IPO11: variants seen among roughly 807,000 people sequenced by gnomAD.
The protein encoded by IPO11 is importin 11, also known as importin-11.
In IPO11, 66 loss-of-function variants were observed where a neutral mutation model predicts 143.2. The observed-to-expected ratio is 0.46, with a 90% confidence interval of 0.38 to 0.57. IPO11 has a LOEUF of 0.57. Ranked by LOEUF, IPO11 falls within the 20% of genes least tolerant of loss-of-function variation. The pLI, the probability that IPO11 is intolerant of heterozygous loss-of-function variation, is 0.00. For missense variants in IPO11, 1,026 were observed against 1,141.0 expected, an observed-to-expected ratio of 0.90 and a Z score of 1.45; for synonymous variants, 385 against 377.8, an observed-to-expected ratio of 1.02 and a Z score of -0.22.
chr5:62,607,720 A>G (rs1426045228), intron 29 of IPO11, among the ~76,000 whole-genome samples: 4 of 152,028 alleles, frequency 2.6e-5, no homozygotes, highest in Non-Finnish European at 1.5e-5. Flanking sequence ...CAGTCCACCC[A>G]GGTTATGAGT....
intron 1 of IPO11, among the ~76,000 whole-genome samples, chr5:62,431,445 A>G (rs1743984961): frequency 6.6e-6 from 1 of 152,060 alleles, no homozygotes. Context: ...GTTGGAGTGC[A>G]GTGGGGTGAT....
chr5:62,552,992 A>G (rs950044688), intron 26 of IPO11, among the ~76,000 whole-genome samples: 1 of 152,196 alleles, frequency 6.6e-6, no homozygotes, highest in Non-Finnish European at 1.5e-5. Context: ...AACTATTTGA[A>G]ACTATATATT....
intron 16 of IPO11, among the ~76,000 whole-genome samples, chr5:62,496,232 G>GA (rs1179059273): frequency 2.0e-5 from 3 of 151,258 alleles, no homozygotes; most frequent in Non-Finnish European, 4.4e-5. Flanking sequence ...AGGTTGCAGT[G>GA]AGCCGAGATT....
At chr5:62,590,782 T>A (rs563067611) in intron 27 of IPO11, among the ~76,000 whole-genome samples, 18 of 152,340 alleles carry the variant, frequency 1.2e-4, no homozygotes, top group South Asian at 6.2e-4. Context: ...CTAAATTTTT[T>A]AAAATTTCAT....
At chr5:62,488,634 A>G (rs751895881) in intron 13 of IPO11, among the ~76,000 whole-genome samples, 9 of 152,204 alleles carry the variant, frequency 5.9e-5, no homozygotes, top group Non-Finnish European at 1.2e-4. Flanking sequence ...ATTTTCACCT[A>G]TAGGGATATG....
At chr5:62,564,498 G>A (rs1743872087) in intron 27 of IPO11, among the ~76,000 whole-genome samples, 1 of 152,146 alleles carries the variant, frequency 6.6e-6, no homozygotes. Flanking sequence ...TCTAAAGTAT[G>A]ATGTTGATGA....
rs578261726 is a variant in IPO11 at position 62,532,396 on chromosome 5, C to T, written c.2089+1611C>T. ...GTTTTGAGACAGAGTCTTGCTCTGT[C>T]ACCCAGGCTGGAGTGCAGTGGCTCA... is the stretch of plus-strand genomic sequence containing the variant. On this transcript the variant is annotated intron_variant, in intron 22 of 29. Coordinates refer to ENST00000325324, the MANE Select transcript of IPO11 (RefSeq NM_016338.5). Among the ~76,000 whole-genome samples, 26 of 152,168 alleles carry T rather than the reference C, an allele frequency of 1.7e-4. No homozygotes were observed. The South Asian group carries it at 5.4e-3, about 32-fold the overall frequency.
At chr5:62,551,921 C>A (rs1263185937) in intron 26 of IPO11, among the ~76,000 whole-genome samples, 4 of 151,916 alleles carry the variant, frequency 2.6e-5, no homozygotes, top group African/African-American at 4.8e-5. Context: ...GTCAGGAGAT[C>A]GAGACATCCT....
At chr5:62,601,989 A>C (rs1745523616) in intron 29 of IPO11, 141 bp downstream of exon 29, 1 of 487,558 alleles carries the variant, frequency 2.1e-6, no homozygotes, top group Non-Finnish European at 3.7e-6. Context: ...TGTAAGGTGT[A>C]CCCTAAAACA....
intron 1 of IPO11, among the ~76,000 whole-genome samples, chr5:62,429,626 G>A (rs28848018): frequency 3.7e-5 from 5 of 135,866 alleles, no homozygotes; most frequent in Admixed American, 1.5e-4. Flanking sequence ...GTGTGTGTGT[G>A]TATGTGTTTA....
At chr5:62,476,091 G>A (rs1745947773) in intron 8 of IPO11, among the ~76,000 whole-genome samples, 1 of 152,210 alleles carries the variant, frequency 6.6e-6, no homozygotes, top group Non-Finnish European at 1.5e-5. Flanking sequence ...TGTTCATATT[G>A]TGTAGTTACT....
intron 26 of IPO11, 125 bp from the exon 27 acceptor site, chr5:62,561,011 C>A: frequency 1.3e-6 from 1 of 798,902 alleles, no homozygotes. Flanking sequence ...TTCAGGTATT[C>A]CAGTTCTGTG....
At position 62,565,831 on chromosome 5, in the gene IPO11, G is replaced by A. The variant is rs191460971; in HGVS notation, c.2582+4574G>A. Among the ~76,000 whole-genome samples the A allele has an allele frequency of 8.8e-5, 13 of 147,900 alleles. No individual in the cohort carries two copies. The East Asian group carries it at 2.2e-3, about 25-fold the overall frequency. On this transcript the variant is annotated intron_variant, in intron 27 of 29. Transcript: ENST00000325324. The stretch of plus-strand genomic sequence containing the variant: ...TGTGTGTTGCTCCCCTCCTTGTGTC[G>A]GTGTGTTCTCATTGTTCAACTCCCA...
chr5:62,417,371 A>G (rs76466551), intron 1 of IPO11, among the ~76,000 whole-genome samples: 3,107 of 124,392 alleles, frequency 0.025, 54 homozygotes, highest in Admixed American at 0.037. Flanking sequence ...CTGACAGTCC[A>G]TAGCAGTCAC....
intron 20 of IPO11, among the ~76,000 whole-genome samples, chr5:62,522,682 T>TCAGTCTCC (rs770561725): frequency 1.3e-5 from 2 of 152,232 alleles, no homozygotes. Context: ...GAAGGACCCC[T>TCAGTCTCC]CAGTCTCCTA....
chr5:62,587,227 G>C (rs900138740), intron 27 of IPO11, among the ~76,000 whole-genome samples: 18 of 151,904 alleles, frequency 1.2e-4, no homozygotes, highest in African/African-American at 4.4e-4. Flanking sequence ...GGTAAGCAGG[G>C]GAATGGTTTA....
At chr5:62,583,458 CT>C (rs1424791064) in intron 27 of IPO11, among the ~76,000 whole-genome samples, 6 of 152,030 alleles carry the variant, frequency 3.9e-5, no homozygotes, top group Non-Finnish European at 5.9e-5. Flanking sequence ...AAAATTTTTG[CT>C]TTTTGAAAGT....
rs575221516 is a variant in IPO11 at position 62,626,545 on chromosome 5, A to G, written c.2764-609A>G. On this transcript the variant is annotated intron_variant, in intron 29 of 29. Coordinates refer to ENST00000325324, the MANE Select transcript of IPO11 (RefSeq NM_016338.5). ...ATGTATGTGCATACCACAGGGATAG[A>G]AGAAGCCAAAATATTTTCTTTTGTC... Among the ~76,000 whole-genome samples the G allele has an allele frequency of 2.6e-5, 4 of 152,314 alleles. No homozygotes were observed. In the East Asian group the frequency reaches 7.7e-4, roughly 29 times the overall value.
At chr5:62,500,513 A>G (rs964709040) in intron 16 of IPO11, among the ~76,000 whole-genome samples, 1 of 152,116 alleles carries the variant, frequency 6.6e-6, no homozygotes, top group Non-Finnish European at 1.5e-5. Flanking sequence ...TTTGTTTTAT[A>G]AAGAGACAGG....
Sources: gnomAD v4.1 joint callset for allele counts (sites outside exome capture counted in the v4.1 genomes callset) on GRCh38, gnomAD v4.1.1 for gene constraint, MANE v1.5 for transcripts, NCBI Gene and HGNC (gene_info 2026-07-23, HGNC 2026-07-21) for gene names.